The following PTPN12 variants were observed in gnomAD, a reference collection of about 807,000 sequenced individuals.
PTPN12 encodes tyrosine-protein phosphatase non-receptor type 12.
In PTPN12, 29 loss-of-function variants were observed where a neutral mutation model predicts 97.6. The ratio of observed to expected loss-of-function variants is 0.30; its 90% CI spans 0.22 to 0.41. The LOEUF (loss-of-function observed/expected upper bound fraction) is 0.41, where lower values mean the gene tolerates loss of function less well. PTPN12 is among the 10% of genes least tolerant of loss of function. The probability of loss-of-function intolerance (pLI) is 1.00; values close to 1 mark genes in which losing one functional copy is unlikely to be tolerated. For missense variants in PTPN12, 819 were observed against 926.0 expected (o/e 0.88, Z 1.50); for synonymous variants, 327 against 300.4 (o/e 1.09, Z -0.91).
intron 13 of PTPN12, among the ~76,000 whole-genome samples, chr7:77,631,401 A>G (rs777094229): frequency 2.6e-5 from 4 of 152,246 alleles, no homozygotes; most frequent in South Asian, 4.1e-4. Context: ...GTAAAATAGC[A>G]GAGTATCATG....
chr7:77,548,052 A>C (rs1168276211), intron 1 of PTPN12, among the ~76,000 whole-genome samples: 1 of 152,216 alleles, frequency 6.6e-6, no homozygotes, highest in African/African-American at 2.4e-5. Context: ...CCTTTTAAAA[A>C]TTGAGTCCTT....
intron 7 of PTPN12, 67 bp from the exon 8 acceptor site, chr7:77,600,597 A>G: frequency 7.4e-7 from 1 of 1,353,140 alleles, no homozygotes; most frequent in Non-Finnish European, 9.9e-7. Context: ...GGCAGTTTAA[A>G]TGAGCTGTGC....
chr7:77,578,368 A>G (rs1338343037), intron 2 of PTPN12, among the ~76,000 whole-genome samples: 6 of 152,156 alleles, frequency 3.9e-5, no homozygotes, highest in Admixed American at 1.3e-4. Flanking sequence ...AATGGCATAT[A>G]AAAAGGGGGA....
rs982660667 is a variant in PTPN12, at chr7:77,587,267, A to G, written c.420+1686A>G. ...GAAACTCAAAATTACTCCTTGATCC[A>G]TGGGCTGCAGAATGGATGTTGTATT... On this transcript the variant is annotated intron_variant, in intron 5 of 17. Coordinates refer to ENST00000248594, the MANE Select transcript of PTPN12 (RefSeq NM_002835.4). Among the ~76,000 whole-genome samples the G allele has an allele frequency of 2.6e-5, 4 of 152,288 alleles. 1 individual carries two copies. In the Middle Eastern group the frequency reaches 0.01, roughly 388 times the overall value.
chr7:77,586,201 A>G (rs1787684807), intron 5 of PTPN12, among the ~76,000 whole-genome samples: 1 of 152,130 alleles, frequency 6.6e-6, no homozygotes, highest in Admixed American at 6.6e-5. Flanking sequence ...TGTTCTGCCC[A>G]CCTCGGCCTC....
rs761274993 is a variant in PTPN12, at chr7:77,625,563, C to CTTTTT, written c.1026-1141_1026-1140insTTTTT. ...TCGCGCTCTCTCTCTCGCTCTCTCT[C>CTTTTT]TCTTTTTTTTTTTTTTTTTTTTTTT... On this transcript the variant is annotated intron_variant, in intron 12 of 17. Coordinates refer to ENST00000248594, the MANE Select transcript of PTPN12 (RefSeq NM_002835.4). Among the ~76,000 whole-genome samples, 87 of 27,780 alleles carry CTTTTT rather than the reference C, an allele frequency of 3.1e-3. 25 individuals are homozygous for CTTTTT. The highest frequency in any genetic ancestry group is 0.017 in the African/African-American group (74 of 4,280). The allele number at this position is 27,780 out of a possible 152,430, so 18.2% of individuals were successfully genotyped here. A position where few individuals can be genotyped will look rare whatever the true frequency, so the allele number is the denominator to read the frequency against.
chr7:77,630,731 T>C (rs1340086601), intron 13 of PTPN12, among the ~76,000 whole-genome samples: 1 of 152,222 alleles, frequency 6.6e-6, no homozygotes, highest in African/African-American at 2.4e-5. Flanking sequence ...AATTCTTAGC[T>C]ATCAATTCTA....
chr7:77,549,910 A>G (rs901402340), intron 1 of PTPN12, among the ~76,000 whole-genome samples: 1 of 152,162 alleles, frequency 6.6e-6, no homozygotes, highest in African/African-American at 2.4e-5. Context: ...AGTAGTCACT[A>G]TGATTTACTC....
In PTPN12 at chr7:77,595,151, T is replaced by C. The variant is rs555459024; in HGVS notation, c.493-2691T>C. ...TTGATTTGATTAGTAACGACTTGGT[T>C]TAATTTGTCAGCGTCAGGATTGATC... On this transcript the variant is annotated intron_variant, in intron 6 of 17. Transcript: ENST00000248594. Among the ~76,000 whole-genome samples, 6 of 152,372 alleles carry C rather than the reference T, an allele frequency of 3.9e-5. 1 individual carries two copies. The South Asian group carries it at 1.2e-3, about 32-fold the overall frequency.
chr7:77,537,454 T>C lies in PTPN12; in HGVS notation c.-93T>C, dbSNP rs992105670. 44 of 1,188,900 alleles carry C rather than the reference T, an allele frequency of 3.7e-5. No individual in the cohort carries two copies. The highest frequency in any genetic ancestry group is 4.9e-5 in the East Asian group (1 of 20,372). 73.6% of individuals were successfully genotyped at this position (1,188,900 alleles called of 1,614,324 possible). ...GCGGGGTCGGGAGGGAGGGACGTGC[T>C]GGGGGAACGAGCTGGGGAAGACGGA... On this transcript the variant is annotated 5_prime_UTR_variant, in exon 1 of 18. Coordinates refer to ENST00000248594, the MANE Select transcript of PTPN12 (RefSeq NM_002835.4).
chr7:77,577,287 T>A (rs969364526), intron 2 of PTPN12, among the ~76,000 whole-genome samples: 1 of 152,214 alleles, frequency 6.6e-6, no homozygotes, highest in Non-Finnish European at 1.5e-5. Flanking sequence ...AGTTTTGTGA[T>A]TTGGGCATAC....
At chr7:77,604,265 G>T (rs1366541759) in intron 8 of PTPN12, among the ~76,000 whole-genome samples, 3 of 127,544 alleles carry the variant, frequency 2.4e-5, no homozygotes, top group Non-Finnish European at 4.7e-5. Context: ...GCCTGGGCTG[G>T]AGTGCAATGG....
chr7:77,550,166 C>A (rs1456850183), intron 1 of PTPN12, among the ~76,000 whole-genome samples: 1 of 152,108 alleles, frequency 6.6e-6, no homozygotes, highest in Non-Finnish European at 1.5e-5. Context: ...CCTTTCTCTA[C>A]CTACTCAGTC....
chr7:77,618,585 A>G lies in PTPN12; in HGVS notation c.1025+20A>G. 1.3e-6 allele frequency: 2 copies of G among 1,514,202 alleles called. No individual in the cohort carries two copies. The highest frequency in any genetic ancestry group is 9.1e-7 in the Non-Finnish European group (1 of 1,098,360). 93.8% of individuals were successfully genotyped at this position (1,514,202 alleles called of 1,614,324 possible). A position where few individuals can be genotyped will look rare whatever the true frequency, so the allele number is the denominator to read the frequency against. ...CCGCAGGTATTGTATGTCTTCGAAC[A>G]TTTTCTTTAAAAGCATACTTGTTTC... On this transcript the variant is annotated intron_variant, in intron 12 of 17. Coordinates refer to ENST00000248594, the MANE Select transcript of PTPN12 (RefSeq NM_002835.4).
chr7:77,569,966 A>G (rs1309195826), intron 1 of PTPN12, among the ~76,000 whole-genome samples: 2 of 152,124 alleles, frequency 1.3e-5, no homozygotes, highest in Admixed American at 1.3e-4. Flanking sequence ...GTGAGCCACC[A>G]TGCTCGGCCC....
intron 2 of PTPN12, among the ~76,000 whole-genome samples, chr7:77,576,225 A>T (rs891151820): frequency 6.6e-6 from 1 of 152,184 alleles, no homozygotes; most frequent in African/African-American, 2.4e-5. Flanking sequence ...TTTGTTGTTG[A>T]ATAATATTCC....
At chr7:77,581,592 A>C in intron 3 of PTPN12, 89 bp downstream of exon 3, 1 of 645,002 alleles carries the variant, frequency 1.6e-6, no homozygotes, top group South Asian at 2.7e-5. Flanking sequence ...TTGCTCAAAC[A>C]TGATACCAAC....
intron 1 of PTPN12, among the ~76,000 whole-genome samples, chr7:77,551,472 C>T (rs1321306387): frequency 3.3e-5 from 5 of 152,230 alleles, no homozygotes; most frequent in Admixed American, 3.3e-4. Context: ...AGCTGAGCAA[C>T]TTAAGATGTC....
intron 1 of PTPN12, among the ~76,000 whole-genome samples, chr7:77,557,608 G>A (rs1316217836): frequency 2.0e-5 from 3 of 152,034 alleles, no homozygotes; most frequent in Non-Finnish European, 4.4e-5. Flanking sequence ...TGTGGCATTA[G>A]ATACATTCAC....
Sources: gnomAD v4.1 joint callset for allele counts (sites outside exome capture counted in the v4.1 genomes callset) on GRCh38, gnomAD v4.1.1 for gene constraint, MANE v1.5 for transcripts, NCBI Gene and HGNC (gene_info 2026-07-23, HGNC 2026-07-21) for gene names.